CERS2: variants seen among roughly 807,000 people sequenced by gnomAD.
CERS2 encodes the protein ceramide synthase 2, also known as LAG1 homolog, ceramide synthase 2.
A neutral mutation model predicts 56.6 loss-of-function variants in CERS2; 20 were observed. The ratio of observed to expected loss-of-function variants is 0.35; its 90% CI spans 0.25 to 0.51. The LOEUF is 0.51. Among genes scored for constraint, CERS2 ranks in the 20% least tolerant of loss-of-function variants. The pLI, the probability that CERS2 is intolerant of heterozygous loss-of-function variation, is 0.96. For synonymous variants in CERS2, 187 were observed against 175.4 expected, an observed-to-expected ratio of 1.07 and a Z score of -0.52; for missense variants, 361 against 488.6, an observed-to-expected ratio of 0.74 and a Z score of 2.46.
Position 150,965,990 on chromosome 1 carries a change from T to C in CERS2, c.*158A>G. 1 of 770,000 alleles carries C rather than the reference T, an allele frequency of 1.3e-6. No individual in the cohort carries two copies. Among genetic ancestry groups the C allele is most frequent in the Non-Finnish European group, 2.0e-6 (1 of 496,714 alleles). 47.7% of individuals were successfully genotyped at this position (770,000 alleles called of 1,614,324 possible). ...TGGGGATAGGCTGGTTAGAATTTGG[T>C]TTAAAGGCAACTGGGTGACAAGCAA... On this transcript the variant is annotated 3_prime_UTR_variant, in exon 11 of 11. Transcript: ENST00000368954.
intron 1 of CERS2, among the ~76,000 whole-genome samples, chr1:150,972,828 C>T (rs587603310): frequency 5.0e-4 from 76 of 152,288 alleles, no homozygotes; most frequent in African/African-American, 1.7e-3. Context: ...TTTGCCCCAA[C>T]TCTGACTGAC....
At chr1:150,973,515 G>C (rs1671234699) in intron 1 of CERS2, among the ~76,000 whole-genome samples, 1 of 152,240 alleles carries the variant, frequency 6.6e-6, no homozygotes, top group African/African-American at 2.4e-5. Flanking sequence ...GGGGAGAAAA[G>C]GATCCCTCTC....
rs768132524 is a variant in CERS2, at chr1:150,967,478, T to G, written c.526A>C (p.Ile176Leu). 6.3e-7 allele frequency: 1 copy of G among 1,581,244 alleles called. No individual in the cohort carries two copies. The highest frequency in any genetic ancestry group is 8.7e-7 in the Non-Finnish European group (1 of 1,150,196). ...ATGTAGTACCAATACTGGGAAGGGA[T>G]AGTGCTCTGGGAGAGGAGAGAGAGG... ...VWEGYPIQST[I>L]PSQYWYYMIE... The change falls in exon 7 of 11, where the codon ATC becomes CTC. Residue 176 changes from isoleucine to leucine, a missense_variant. Around this residue, in one of 3 missense-constraint regions of CERS2, gnomAD observed 236 missense variants for 309.2 expected, o/e 0.76. Transcript: ENST00000368954.
At chr1:150,966,440 A>C in intron 10 of CERS2, 36 bp downstream of exon 10, 1 of 1,611,714 alleles carries the variant, frequency 6.2e-7, no homozygotes, top group Non-Finnish European at 8.5e-7. Flanking sequence ...AGTTGTAGAG[A>C]GTAGTAAGGC....
At chr1:150,971,720 G>C in intron 1 of CERS2, 1 of 345,778 alleles carries the variant, frequency 2.9e-6, no homozygotes, top group Non-Finnish European at 6.0e-6. Context: ...ATTGAATAAA[G>C]AAGGGACAAG....
In CERS2 at chr1:150,966,738, G is replaced by A; in HGVS notation, c.848+18C>T. 1 of 1,606,678 alleles carries A rather than the reference G, an allele frequency of 6.2e-7. No homozygotes were observed. Among genetic ancestry groups the A allele is most frequent in the Non-Finnish European group, 8.5e-7 (1 of 1,173,312 alleles). On this transcript the variant is annotated intron_variant, in intron 9 of 10. Coordinates refer to ENST00000368954, the MANE Select transcript of CERS2 (RefSeq NM_022075.5). ...CTGATTTCTTCAGAACAGGAGTGTA[G>A]CCTAGCTGCCTACTCACCAGAAGGG...
chr1:150,971,833 A>G (rs1370720883), intron 1 of CERS2: 1 of 470,906 alleles, frequency 2.1e-6, no homozygotes, highest in Non-Finnish European at 4.4e-6. Context: ...GCGAGAAATC[A>G]GCCTGACCCA....
chr1:150,967,922 C>A, intron 4 of CERS2, 45 bp from the exon 5 acceptor site: 1 of 1,482,776 alleles, frequency 6.7e-7, no homozygotes, highest in South Asian at 1.1e-5. Flanking sequence ...ATAGCACAGT[C>A]CCCCAGCAGC....
At chr1:150,970,316 TA>T (rs754431552) in intron 1 of CERS2, among the ~76,000 whole-genome samples, 19 of 148,202 alleles carry the variant, frequency 1.3e-4, no homozygotes, top group Admixed American at 3.4e-4. Context: ...GACATCGAAC[TA>T]CTGCACACAA....
At chr1:150,966,968 C>G in intron 8 of CERS2, 106 bp from the exon 9 acceptor site, 2 of 1,488,092 alleles carry the variant, frequency 1.3e-6, no homozygotes, top group Non-Finnish European at 1.9e-6. Flanking sequence ...CCTCCTTGGT[C>G]CCAGGAATGT....
At chr1:150,968,806 G>A in intron 2 of CERS2, 112 bp downstream of exon 2, 1 of 1,075,668 alleles carries the variant, frequency 9.3e-7, no homozygotes, top group Non-Finnish European at 1.4e-6. Context: ...AGGAACCTGA[G>A]TAGCCAGAAC....
rs144222108 is a variant in CERS2, at chr1:150,966,971, A to G, written c.741+103T>C. The G allele has an allele frequency of 1.6e-4, 243 of 1,496,920 alleles. 1 individual carries two copies. In the African/African-American group the frequency reaches 3.0e-3, roughly 19 times the overall value. 92.7% of individuals were successfully genotyped at this position (1,496,920 alleles called of 1,614,324 possible). A position where few individuals can be genotyped will look rare whatever the true frequency, so the allele number is the denominator to read the frequency against. On this transcript the variant is annotated intron_variant, in intron 8 of 10. Coordinates refer to ENST00000368954, the MANE Select transcript of CERS2 (RefSeq NM_022075.5). ...ACTCTGTGCCCTCCTCCTTGGTCCC[A>G]GGAATGTCATCCTCCAAATTCCCAC...
At chr1:150,967,309 G>C (rs1340428981) in intron 7 of CERS2, 83 bp downstream of exon 7, 1 of 1,428,886 alleles carries the variant, frequency 7.0e-7, no homozygotes, top group Non-Finnish European at 9.9e-7. Flanking sequence ...TCCATTCAGA[G>C]TACCCAGAAG....
Position 150,966,185 on chromosome 1 carries a change from T to C in CERS2, c.1106A>G (p.His369Arg). Reference protein sequence around the residue: ...GAKSRPLANGHPILNNNHRKN... With the variant: ...GAKSRPLANGRPILNNNHRKN... Reference sequence around the variant, plus strand: ...ACGATGGTTGTTATTGAGGATGGGGTGGCCATTGGCTAGGGGCCGGCTCTT... The same window carrying C: ...ACGATGGTTGTTATTGAGGATGGGGCGGCCATTGGCTAGGGGCCGGCTCTT... Residue 369 changes from histidine to arginine, a missense_variant, in exon 11 of 11, where the codon CAC becomes CGC. By Grantham distance (29) the His-to-Arg change is conservative. Coordinates refer to ENST00000368954, the MANE Select transcript of CERS2 (RefSeq NM_022075.5). 1.9e-6 allele frequency: 3 copies of C among 1,607,794 alleles called. No homozygotes were observed. Among genetic ancestry groups the C allele is most frequent in the Non-Finnish European group, 2.5e-6 (3 of 1,178,380 alleles).
chr1:150,973,237 A>T (rs1671225698), intron 1 of CERS2: 1 of 152,310 alleles, frequency 6.6e-6, no homozygotes, highest in South Asian at 2.1e-4. Context: ...GAGGTGGGTG[A>T]GAGGCAGTCA....
At chr1:150,968,229 AT>A in intron 3 of CERS2, 28 bp from the exon 4 acceptor site, 2 of 1,602,116 alleles carry the variant, frequency 1.2e-6, no homozygotes, top group Non-Finnish European at 1.7e-6. Flanking sequence ...GCCCATTGTT[AT>A]GTTTACCTTC....
Position 150,966,626 on chromosome 1 carries a change from G to A in CERS2, c.852C>T (p.Ile284=), listed in dbSNP as rs756845739. ...ITRLVILPFW[I]LHCTLVYPLE... ...GTGGGTACACCAGGGTGCAATGCAG[G>A]ATCCTGAGGATTCAAGGAGAGAGAG... Residue 284 remains isoleucine (I), a synonymous_variant, in exon 10 of 11, where the codon ATC becomes ATT. Coordinates refer to ENST00000368954, the MANE Select transcript of CERS2 (RefSeq NM_022075.5). The A allele has an allele frequency of 6.2e-7, 1 of 1,613,942 alleles. No individual in the cohort carries two copies. Among genetic ancestry groups the A allele is most frequent in the Non-Finnish European group, 8.5e-7 (1 of 1,179,908 alleles).
intron 1 of CERS2, among the ~76,000 whole-genome samples, chr1:150,971,478 G>A (rs1372987804): frequency 1.3e-5 from 2 of 151,722 alleles, no homozygotes; most frequent in East Asian, 3.9e-4. Flanking sequence ...GATGAAATCA[G>A]AGGTCAGCAC....
In CERS2 at chr1:150,965,536, A is replaced by C. The variant is rs978102909; in HGVS notation, c.*612T>G. 3 of 152,698 alleles carry C rather than the reference A, an allele frequency of 2.0e-5. No homozygotes were observed. Among genetic ancestry groups the C allele is most frequent in the African/African-American group, 2.4e-5 (1 of 41,464 alleles). The allele number at this position is 152,698 out of a possible 1,614,324, so 9.5% of individuals were successfully genotyped here. ...GACCTGTCGCTACAGGGACAGCTGAAAGAAGTAGCACTAAGAAAGATCATC... is the reference window on the plus strand; with the variant it reads ...GACCTGTCGCTACAGGGACAGCTGACAGAAGTAGCACTAAGAAAGATCATC... On this transcript the variant is annotated 3_prime_UTR_variant, in exon 11 of 11. Transcript: ENST00000368954.
Sources: gnomAD v4.1 joint callset for allele counts (sites outside exome capture counted in the v4.1 genomes callset) on GRCh38, gnomAD v4.1.1 for gene constraint, gnomAD v4.1.1 regional missense constraint, MANE v1.5 for transcripts, NCBI Gene and HGNC (gene_info 2026-07-23, HGNC 2026-07-21) for gene names.